The following JAZF1 variants were observed in gnomAD, a reference collection of about 807,000 sequenced individuals.
JAZF1 encodes juxtaposed with another zinc finger protein 1.
A neutral mutation model predicts 26.4 loss-of-function variants in JAZF1; 8 were observed. That is an observed-to-expected ratio of 0.30 (90% CI 0.18 to 0.55). JAZF1 has a LOEUF of 0.55. Among genes scored for constraint, JAZF1 ranks in the 20% least tolerant of loss-of-function variants. JAZF1 has a pLI of 0.94. For missense variants in JAZF1, 199 were observed against 322.0 expected (o/e 0.62, Z 2.92); for synonymous variants, 126 against 122.3 (o/e 1.03, Z -0.20).
chr7:27,899,911 G>A (rs1784139315), intron 2 of JAZF1, among the ~76,000 whole-genome samples: 1 of 152,220 alleles, frequency 6.6e-6, no homozygotes, highest in Admixed American at 6.5e-5. Context: ...ACAGTTGAAA[G>A]TGTTCAGGGA....
At chr7:28,010,446 C>T (rs569189239) in intron 1 of JAZF1, among the ~76,000 whole-genome samples, 1 of 152,298 alleles carries the variant, frequency 6.6e-6, no homozygotes, top group South Asian at 2.1e-4. Flanking sequence ...CCCTGCCACA[C>T]CCCTATAAAT....
chr7:28,006,696 T>C (rs1194179981), intron 1 of JAZF1, among the ~76,000 whole-genome samples: 1 of 152,154 alleles, frequency 6.6e-6, no homozygotes, highest in East Asian at 1.9e-4. Context: ...GACCAGGAGA[T>C]AAAGCCTTAA....
chr7:27,857,188 G>A (rs1039376609), intron 3 of JAZF1, among the ~76,000 whole-genome samples: 4 of 152,222 alleles, frequency 2.6e-5, no homozygotes, highest in Non-Finnish European at 4.4e-5. Context: ...TGCAGGTCCC[G>A]AGCCCTGTTC....
At chr7:28,099,745 G>C (rs760615383) in intron 1 of JAZF1, among the ~76,000 whole-genome samples, 3 of 152,108 alleles carry the variant, frequency 2.0e-5, no homozygotes, top group Non-Finnish European at 2.9e-5. Context: ...CAAAGTGCTG[G>C]GATTACAGGC....
rs112837761 is a variant in JAZF1 at position 27,908,321 on chromosome 7, A to G, written c.189-12905T>C. ...CTTTTTCTTAAATGAAGTACTAATA[A>G]TAAGACAGTAAAACTATTTTGGGGG... On this transcript the variant is annotated intron_variant, in intron 2 of 4. Coordinates refer to ENST00000283928, the MANE Select transcript of JAZF1 (RefSeq NM_175061.4). 5.8e-3 allele frequency among the ~76,000 whole-genome samples: 887 copies of G among 152,348 alleles called. 10 individuals carry two copies. Among genetic ancestry groups the G allele is most frequent in the African/African-American group, 0.02 (848 of 41,580 alleles).
intron 2 of JAZF1, among the ~76,000 whole-genome samples, chr7:27,950,953 G>A (rs144966807): frequency 1.7e-3 from 262 of 151,880 alleles, no homozygotes; most frequent in African/African-American, 6.2e-3. Context: ...AGATAATTTC[G>A]TCTTTCTCTT....
In JAZF1 at chr7:28,047,979, C is replaced by T. The variant is rs1015684707; in HGVS notation, c.116-55998G>A. ...TGGATGTGTTCTGTCTTTCTCTATG[C>T]TTTGGAGGTGTACAAATTACCAGTA... On this transcript the variant is annotated intron_variant, in intron 1 of 4. Transcript: ENST00000283928. Among the ~76,000 whole-genome samples, 10 of 152,262 alleles carry T rather than the reference C, an allele frequency of 6.6e-5. No individual in the cohort carries two copies. The East Asian group carries it at 1.7e-3, about 26-fold the overall frequency.
At chr7:27,986,649 C>T (rs995984874) in intron 2 of JAZF1, among the ~76,000 whole-genome samples, 1 of 96,792 alleles carries the variant, frequency 1.0e-5, no homozygotes. Context: ...CCCCCTCCCC[C>T]TCTCCCTCCC....
chr7:27,877,121 C>T (rs561759715), intron 3 of JAZF1, among the ~76,000 whole-genome samples: 1 of 151,956 alleles, frequency 6.6e-6, no homozygotes, highest in African/African-American at 2.4e-5. Flanking sequence ...GCCAGCATCC[C>T]CAGCTTTATC....
At chr7:27,870,012 G>A (rs1171243525) in intron 3 of JAZF1, among the ~76,000 whole-genome samples, 1 of 151,692 alleles carries the variant, frequency 6.6e-6, no homozygotes, top group Non-Finnish European at 1.5e-5. Context: ...GGGTTCAAGT[G>A]AATCTCCTGC....
At chr7:27,944,178 A>C (rs1031721489) in intron 2 of JAZF1, among the ~76,000 whole-genome samples, 1 of 152,160 alleles carries the variant, frequency 6.6e-6, no homozygotes, top group East Asian at 1.9e-4. Flanking sequence ...AAGGAACTAC[A>C]TCTTGCCGAA....
intron 1 of JAZF1, among the ~76,000 whole-genome samples, chr7:28,156,236 G>A (rs1240427062): frequency 6.6e-6 from 1 of 152,196 alleles, no homozygotes; most frequent in Non-Finnish European, 1.5e-5. Flanking sequence ...CTCAGAATCT[G>A]AAAGTCACTG....
intron 2 of JAZF1, among the ~76,000 whole-genome samples, chr7:27,937,403 GGATTAAAT>G (rs1411662495): frequency 2.0e-5 from 3 of 152,136 alleles, no homozygotes; most frequent in African/African-American, 7.2e-5. Context: ...GCTGTTGTGA[GGATTAAAT>G]GAAGTACATA....
intron 1 of JAZF1, among the ~76,000 whole-genome samples, chr7:28,131,435 C>T (rs1782791884): frequency 6.6e-6 from 1 of 152,128 alleles, no homozygotes; most frequent in Non-Finnish European, 1.5e-5. Context: ...TTTTATTTCA[C>T]CAGAGCCTTC....
chr7:28,129,180 A>T (rs945989584), intron 1 of JAZF1, among the ~76,000 whole-genome samples: 5 of 151,830 alleles, frequency 3.3e-5, no homozygotes, highest in African/African-American at 1.2e-4. Flanking sequence ...AACTCCCTCT[A>T]CCTCTCATAT....
chr7:28,088,440 T>C (rs2127920088), intron 1 of JAZF1, among the ~76,000 whole-genome samples: 1 of 152,320 alleles, frequency 6.6e-6, no homozygotes, highest in South Asian at 2.1e-4. Context: ...GAGCCACAAC[T>C]AGGTTGCAGG....
At chr7:27,885,258 A>G (rs1317433261) in intron 3 of JAZF1, among the ~76,000 whole-genome samples, 1 of 152,228 alleles carries the variant, frequency 6.6e-6, no homozygotes, top group Non-Finnish European at 1.5e-5. Flanking sequence ...ACATCCTTCA[A>G]CAAGAAAGGG....
intron 1 of JAZF1, among the ~76,000 whole-genome samples, chr7:28,077,650 G>A (rs1784073129): frequency 6.6e-6 from 1 of 152,212 alleles, no homozygotes; most frequent in Non-Finnish European, 1.5e-5. Context: ...CCACTTGTCT[G>A]ACTGCTTGCA....
intron 1 of JAZF1, among the ~76,000 whole-genome samples, chr7:28,176,228 T>C (rs1408963946): frequency 1.3e-5 from 2 of 152,202 alleles, no homozygotes; most frequent in African/African-American, 4.8e-5. Context: ...TGCAGGGAAA[T>C]GTTTCAATAG....
Sources: gnomAD v4.1 joint callset for allele counts (sites outside exome capture counted in the v4.1 genomes callset) on GRCh38, gnomAD v4.1.1 for gene constraint, MANE v1.5 for transcripts, NCBI Gene and HGNC (gene_info 2026-07-23, HGNC 2026-07-21) for gene names.